Variants in RTL10 observed in about 807,000 individuals in gnomAD.
RTL10 encodes the protein protein Bop.
For missense variants in RTL10, 477 were observed against 470.7 expected, an observed-to-expected ratio of 1.01 and a Z score of -0.12; for synonymous variants, 199 against 188.4, an observed-to-expected ratio of 1.06 and a Z score of -0.46.
intron 2 of RTL10, among the ~76,000 whole-genome samples, chr22:19,853,753 G>A (rs1938168602): frequency 6.6e-6 from 1 of 151,886 alleles, no homozygotes; most frequent in Non-Finnish European, 1.5e-5. Flanking sequence ...CCCAGCCCAT[G>A]ACCCTGGCTT....
In RTL10 at chr22:19,851,120, A is replaced by G; in HGVS notation, c.*47T>C. On this transcript the variant is annotated 3_prime_UTR_variant, in exon 3 of 3. Transcript: ENST00000328554. ...GGACTATGGGGCGCTCAAGCCACAC[A>G]GGCCACTTCATCATGAGGGGCAGCA... The G allele has an allele frequency of 6.5e-7, 1 of 1,531,756 alleles. No homozygotes were observed. The highest frequency in any genetic ancestry group is 1.3e-5 in the South Asian group (1 of 78,274). The allele number at this position is 1,531,756 out of a possible 1,614,324, so 94.9% of individuals were successfully genotyped here.
rs11702967 is a variant in RTL10 at position 19,849,662 on chromosome 22, C to T, written c.*1505G>A. On this transcript the variant is annotated 3_prime_UTR_variant, in exon 3 of 3. Transcript: ENST00000328554. Reference sequence around the variant, plus strand: ...GATTACAGGTGTGAGACACTGCTCCCGGCCAGTTTCTGAATAAGTTTAATC... The same window carrying T: ...GATTACAGGTGTGAGACACTGCTCCTGGCCAGTTTCTGAATAAGTTTAATC... The T allele has an allele frequency of 0.063, 61,506 of 983,088 alleles. 2,210 individuals are homozygous for T. The highest frequency in any genetic ancestry group is 0.1 in the Middle Eastern group (198 of 1,906). The allele number at this position is 983,088 out of a possible 1,614,324, so 60.9% of individuals were successfully genotyped here. A position where few individuals can be genotyped will look rare whatever the true frequency, so the allele number is the denominator to read the frequency against.
Position 19,851,734 on chromosome 22 carries a change from C to T in RTL10, c.528G>A (p.Lys176=). ...AACTGTTCGGGTCTTGAACAACTTC[C>T]TTGAGATCCTGGCAGAAGAGCTCGT... ...DDYELFCQDL[K]EVVQDPNSFA... Residue 176 remains lysine, a synonymous_variant, in exon 3 of 3, where the codon AAG becomes AAA. Transcript: ENST00000328554. The T allele has an allele frequency of 1.2e-6, 2 of 1,606,680 alleles. No homozygotes were observed. The highest frequency in any genetic ancestry group is 1.7e-6 in the Non-Finnish European group (2 of 1,174,416).
rs1937993925 is a variant in RTL10 at position 19,847,749 on chromosome 22, T to C, written c.*3418A>G. ...CCAACAGTATGAGAAGGTCCACTTC[T>C]CCATACCTCCACAACTCTGGGCATC... is the stretch of plus-strand genomic sequence containing the variant. On this transcript the variant is annotated 3_prime_UTR_variant, in exon 3 of 3. Coordinates refer to ENST00000328554, the MANE Select transcript of RTL10 (RefSeq NM_024627.6). 1 of 967,216 alleles carries C rather than the reference T, an allele frequency of 1.0e-6. No homozygotes were observed. Among genetic ancestry groups the C allele is most frequent in the Admixed American group, 7.2e-5 (1 of 13,926 alleles). The allele number at this position is 967,216 out of a possible 1,614,324, so 59.9% of individuals were successfully genotyped here.
At position 19,852,447 on chromosome 22, in the gene RTL10, G is replaced by A; in HGVS notation, c.-186C>T. 1 of 627,124 alleles carries A rather than the reference G, an allele frequency of 1.6e-6. No homozygotes were observed. The highest frequency in any genetic ancestry group is 2.8e-6 in the Non-Finnish European group (1 of 356,658). 38.8% of individuals were successfully genotyped at this position (627,124 alleles called of 1,614,324 possible). A position where few individuals can be genotyped will look rare whatever the true frequency, so the allele number is the denominator to read the frequency against. Reference sequence around the variant, plus strand: ...TGCAGCCTCAGGAGAGCTGAGAAGAGCTGAGAGACTGTCAGTCGCAGGCCA... The same window carrying A: ...TGCAGCCTCAGGAGAGCTGAGAAGAACTGAGAGACTGTCAGTCGCAGGCCA... On this transcript the variant is annotated 5_prime_UTR_variant, in exon 3 of 3. Transcript: ENST00000328554.
At position 19,851,041 on chromosome 22, in the gene RTL10, T is replaced by C. The variant is rs1938081719; in HGVS notation, c.*126A>G. On this transcript the variant is annotated 3_prime_UTR_variant, in exon 3 of 3. Coordinates refer to ENST00000328554, the MANE Select transcript of RTL10 (RefSeq NM_024627.6). ...GCGCAGAGTCCAAAACAAGCGCATCTTGCCCAGCTATGGGGTCTGAAGTCA... is the reference window on the plus strand; with the variant it reads ...GCGCAGAGTCCAAAACAAGCGCATCCTGCCCAGCTATGGGGTCTGAAGTCA... 1 of 1,446,982 alleles carries C rather than the reference T, an allele frequency of 6.9e-7. No homozygotes were observed. The highest frequency in any genetic ancestry group is 1.4e-5 in the African/African-American group (1 of 69,828). 89.6% of individuals were successfully genotyped at this position (1,446,982 alleles called of 1,614,324 possible). A position where few individuals can be genotyped will look rare whatever the true frequency, so the allele number is the denominator to read the frequency against.
At position 19,848,899 on chromosome 22, in the gene RTL10, G is replaced by C; in HGVS notation, c.*2268C>G. The C allele has an allele frequency of 1.0e-6, 1 of 985,406 alleles. No individual in the cohort carries two copies. Among genetic ancestry groups the C allele is most frequent in the Non-Finnish European group, 1.2e-6 (1 of 829,882 alleles). 61.0% of individuals were successfully genotyped at this position (985,406 alleles called of 1,614,324 possible). On this transcript the variant is annotated 3_prime_UTR_variant, in exon 3 of 3. Transcript: ENST00000328554. ...CAGAAGCCTGTGGGACAGGGTAAAG[G>C]TCAGCTGGGTGACTAGGCTGTCCAT...
At position 19,847,403 on chromosome 22, in the gene RTL10, A is replaced by T. The variant is rs1601353901; in HGVS notation, c.*3764T>A. 1.0e-6 allele frequency: 1 copy of T among 985,432 alleles called. No homozygotes were observed. The highest frequency in any genetic ancestry group is 4.7e-5 in the South Asian group (1 of 21,284). The allele number at this position is 985,432 out of a possible 1,614,324, so 61.0% of individuals were successfully genotyped here. On this transcript the variant is annotated 3_prime_UTR_variant, in exon 3 of 3. Transcript: ENST00000328554. ...GCTTTTCCAGTTCTGCTGTTCAAAA[A>T]ACAGTGACACCCATGAGGTGGGTGT...
In RTL10 at chr22:19,849,833, C is replaced by A. The variant is rs1358509897; in HGVS notation, c.*1334G>T. On this transcript the variant is annotated 3_prime_UTR_variant, in exon 3 of 3. Coordinates refer to ENST00000328554, the MANE Select transcript of RTL10 (RefSeq NM_024627.6). ...AAGGGACTTGAACTTCTTGTCCAAG[C>A]ACCAGAGTGGGCACACACTGCACAC... The A allele has an allele frequency of 3.0e-6, 3 of 985,466 alleles. No individual in the cohort carries two copies. The highest frequency in any genetic ancestry group is 2.4e-6 in the Non-Finnish European group (2 of 829,936). 61.0% of individuals were successfully genotyped at this position (985,466 alleles called of 1,614,324 possible).
Position 19,852,070 on chromosome 22 carries a change from C to A in RTL10, c.192G>T (p.Gln64His). 6.2e-7 allele frequency: 1 copy of A among 1,614,258 alleles called. No homozygotes were observed. Among genetic ancestry groups the A allele is most frequent in the Non-Finnish European group, 8.5e-7 (1 of 1,180,040 alleles). ...DTVCVRTTME[Q>H]KSTASGTCGG... is the part of the protein sequence containing the mutation. ...CACAAGTGCCACTAGCTGTGCTCTT[C>A]TGCTCCATGGTCGTTCGCACACACA... The change falls in exon 3 of 3, where the codon CAG becomes CAT. Residue 64 changes from glutamine (Q) to histidine (H), a missense_variant. Coordinates refer to ENST00000328554, the MANE Select transcript of RTL10 (RefSeq NM_024627.6).
At position 19,848,723 on chromosome 22, in the gene RTL10, A is replaced by G. The variant is rs1006515037; in HGVS notation, c.*2444T>C. 2 of 985,520 alleles carry G rather than the reference A, an allele frequency of 2.0e-6. No individual in the cohort carries two copies. Among genetic ancestry groups the G allele is most frequent in the Non-Finnish European group, 2.4e-6 (2 of 830,004 alleles). The allele number at this position is 985,520 out of a possible 1,614,324, so 61.0% of individuals were successfully genotyped here. ...CTGGCCCTCAGACACACGGCAGACC[A>G]TAACTCACACACCCCCAGGAGCTGC... On this transcript the variant is annotated 3_prime_UTR_variant, in exon 3 of 3. Transcript: ENST00000328554.
rs555964920 is a variant in RTL10 at position 19,848,969 on chromosome 22, C to G, written c.*2198G>C. The G allele has an allele frequency of 8.9e-4, 880 of 985,570 alleles. 1 individual carries two copies. Among genetic ancestry groups the G allele is most frequent in the Non-Finnish European group, 1.0e-3 (852 of 830,078 alleles). 61.1% of individuals were successfully genotyped at this position (985,570 alleles called of 1,614,324 possible). ...TTCTACTGCCAGACCCACAGGTGAGCCAGGCCACAGTGCACTGGAGGTAGG... is the reference window on the plus strand; with the variant it reads ...TTCTACTGCCAGACCCACAGGTGAGGCAGGCCACAGTGCACTGGAGGTAGG... On this transcript the variant is annotated 3_prime_UTR_variant, in exon 3 of 3. Coordinates refer to ENST00000328554, the MANE Select transcript of RTL10 (RefSeq NM_024627.6).
Position 19,850,524 on chromosome 22 carries a change from T to C in RTL10, c.*643A>G. 1 of 1,073,478 alleles carries C rather than the reference T, an allele frequency of 9.3e-7. No homozygotes were observed. The highest frequency in any genetic ancestry group is 1.1e-6 in the Non-Finnish European group (1 of 886,940). The allele number at this position is 1,073,478 out of a possible 1,614,324, so 66.5% of individuals were successfully genotyped here. On this transcript the variant is annotated 3_prime_UTR_variant, in exon 3 of 3. Transcript: ENST00000328554. ...CTGCAGCTGAGCCTGGCAAGGGGCTTGCATCCCACCTTCCTGCATCCAAAC... is the reference window on the plus strand; with the variant it reads ...CTGCAGCTGAGCCTGGCAAGGGGCTCGCATCCCACCTTCCTGCATCCAAAC...
chr22:19,850,633 A>G lies in RTL10; in HGVS notation c.*534T>C. Reference sequence around the variant, plus strand: ...GCTATCCCACTCATCCCCCAGAATCAAAGTGGCCACTTCCTCCAGGCAGCC... The same window carrying G: ...GCTATCCCACTCATCCCCCAGAATCGAAGTGGCCACTTCCTCCAGGCAGCC... On this transcript the variant is annotated 3_prime_UTR_variant, in exon 3 of 3. Coordinates refer to ENST00000328554, the MANE Select transcript of RTL10 (RefSeq NM_024627.6). The G allele has an allele frequency of 8.2e-7, 1 of 1,223,218 alleles. No individual in the cohort carries two copies. The highest frequency in any genetic ancestry group is 1.0e-6 in the Non-Finnish European group (1 of 983,222). 75.8% of individuals were successfully genotyped at this position (1,223,218 alleles called of 1,614,324 possible).
rs1369209275 is a variant in RTL10 at position 19,851,025 on chromosome 22, C to G, written c.*142G>C. The G allele has an allele frequency of 6.9e-7, 1 of 1,441,676 alleles. No homozygotes were observed. Among genetic ancestry groups the G allele is most frequent in the Non-Finnish European group, 9.1e-7 (1 of 1,100,374 alleles). The allele number at this position is 1,441,676 out of a possible 1,614,324, so 89.3% of individuals were successfully genotyped here. ...GAGCTGGTTCTGCTCAGCGCAGAGT[C>G]CAAAACAAGCGCATCTTGCCCAGCT... On this transcript the variant is annotated 3_prime_UTR_variant, in exon 3 of 3. Coordinates refer to ENST00000328554, the MANE Select transcript of RTL10 (RefSeq NM_024627.6).
In RTL10 at chr22:19,851,751, A is replaced by G. The variant is rs146494789; in HGVS notation, c.511T>C (p.Phe171Leu). The change falls in exon 3 of 3, where the codon TTC becomes CTC. Residue 171 changes from phenylalanine (F) to leucine (L), a missense_variant. Coordinates refer to ENST00000328554, the MANE Select transcript of RTL10 (RefSeq NM_024627.6). Reference sequence around the variant, plus strand: ...ACAACTTCCTTGAGATCCTGGCAGAAGAGCTCGTAATCGTCAGGCAGGGGC... The same window carrying G: ...ACAACTTCCTTGAGATCCTGGCAGAGGAGCTCGTAATCGTCAGGCAGGGGC... ...DLPLPDDYELFCQDLKEVVQD... is the reference protein window; with the variant it reads ...DLPLPDDYELLCQDLKEVVQD... The G allele has an allele frequency of 5.5e-4, 884 of 1,609,768 alleles. 1 individual carries two copies. The highest frequency in any genetic ancestry group is 3.8e-3 in the Middle Eastern group (23 of 6,046).
At position 19,850,803 on chromosome 22, in the gene RTL10, A is replaced by T. The variant is rs746024401; in HGVS notation, c.*364T>A. 3 of 1,294,410 alleles carry T rather than the reference A, an allele frequency of 2.3e-6. No homozygotes were observed. Among genetic ancestry groups the T allele is most frequent in the Non-Finnish European group, 2.9e-6 (3 of 1,025,628 alleles). 80.2% of individuals were successfully genotyped at this position (1,294,410 alleles called of 1,614,324 possible). On this transcript the variant is annotated 3_prime_UTR_variant, in exon 3 of 3. Coordinates refer to ENST00000328554, the MANE Select transcript of RTL10 (RefSeq NM_024627.6). Reference sequence around the variant, plus strand: ...TTCAGTCCCAGCCAGTGTGGAAGACACCAAGGGGGGTGTTTTATGGGGGTG... The same window carrying T: ...TTCAGTCCCAGCCAGTGTGGAAGACTCCAAGGGGGGTGTTTTATGGGGGTG...
At position 19,847,486 on chromosome 22, in the gene RTL10, C is replaced by T. The variant is rs922984136; in HGVS notation, c.*3681G>A. The T allele has an allele frequency of 1.0e-6, 1 of 985,364 alleles. No homozygotes were observed. Among genetic ancestry groups the T allele is most frequent in the African/African-American group, 1.7e-5 (1 of 57,232 alleles). The allele number at this position is 985,364 out of a possible 1,614,324, so 61.0% of individuals were successfully genotyped here. ...TGGGCATCATTCTCATTCAACCCTTCTAACCACCCCATGAGGAAAAACTCT... is the reference window on the plus strand; with the variant it reads ...TGGGCATCATTCTCATTCAACCCTTTTAACCACCCCATGAGGAAAAACTCT... On this transcript the variant is annotated 3_prime_UTR_variant, in exon 3 of 3. Coordinates refer to ENST00000328554, the MANE Select transcript of RTL10 (RefSeq NM_024627.6).
chr22:19,848,860 G>T lies in RTL10; in HGVS notation c.*2307C>A, dbSNP rs990145660. On this transcript the variant is annotated 3_prime_UTR_variant, in exon 3 of 3. Transcript: ENST00000328554. Reference sequence around the variant, plus strand: ...TTCAGGTCCACTAAAGGGAGATGGGGAAGGTGGCCTGTCCAGAAGCCTGTG... The same window carrying T: ...TTCAGGTCCACTAAAGGGAGATGGGTAAGGTGGCCTGTCCAGAAGCCTGTG... The T allele has an allele frequency of 4.1e-6, 4 of 985,362 alleles. No individual in the cohort carries two copies. In the African/African-American group the frequency reaches 7.0e-5, roughly 17 times the overall value. 61.0% of individuals were successfully genotyped at this position (985,362 alleles called of 1,614,324 possible). A position where few individuals can be genotyped will look rare whatever the true frequency, so the allele number is the denominator to read the frequency against.
Sources: gnomAD v4.1 joint callset for allele counts (sites outside exome capture counted in the v4.1 genomes callset) on GRCh38, gnomAD v4.1.1 for gene constraint, MANE v1.5 for transcripts, NCBI Gene and HGNC (gene_info 2026-07-23, HGNC 2026-07-21) for gene names.